CNEP1R1: variants seen among roughly 807,000 people sequenced by gnomAD.
CNEP1R1 encodes CTD nuclear envelope phosphatase 1 regulatory subunit 1.
A neutral mutation model predicts 22.7 loss-of-function variants in CNEP1R1; 10 were observed. That is an observed-to-expected ratio of 0.44 (90% CI 0.27 to 0.75). The LOEUF is 0.75. CNEP1R1 is among the 30% of genes least tolerant of loss of function. CNEP1R1 has a pLI of 0.17. For synonymous variants in CNEP1R1, 53 were observed against 50.1 expected, an observed-to-expected ratio of 1.06 and a Z score of -0.25; for missense variants, 73 against 151.5, an observed-to-expected ratio of 0.48 and a Z score of 2.72.
Position 50,035,406 on chromosome 16 carries a change from C to T in CNEP1R1, c.337-11C>T. The T allele has an allele frequency of 6.5e-7, 1 of 1,534,006 alleles. No individual in the cohort carries two copies. On this transcript the variant is annotated splice_polypyrimidine_tract_variant and intron_variant, in intron 5 of 5. Coordinates refer to ENST00000427478, the MANE Select transcript of CNEP1R1 (RefSeq NM_001281789.2). ...GTGTATTGAAAAAATTCTGTCTTTT[C>T]ATTTTTGCAGACAGGAAAACTAATT... is the stretch of plus-strand genomic sequence containing the variant.
chr16:50,028,116 G>A (rs1325437613), intron 2 of CNEP1R1, among the ~76,000 whole-genome samples: 1 of 151,964 alleles, frequency 6.6e-6, no homozygotes, highest in Non-Finnish European at 1.5e-5. Context: ...CGCCACCACG[G>A]CAGCTAATTT....
At position 50,033,393 on chromosome 16, in the gene CNEP1R1, A is replaced by C. The variant is rs374936976; in HGVS notation, c.172-4A>C. On this transcript the variant is annotated splice_polypyrimidine_tract_variant and splice_region_variant and intron_variant, in intron 3 of 5. Transcript: ENST00000427478. ...TTTTTATATTTTCATCTCTTCTTTT[A>C]CAGGTGTCCTTCTTCACATCATTAT... is the stretch of plus-strand genomic sequence containing the variant. The C allele has an allele frequency of 6.7e-6, 10 of 1,481,876 alleles. No individual in the cohort carries two copies. The African/African-American group carries it at 1.4e-4, about 21-fold the overall frequency. The allele number at this position is 1,481,876 out of a possible 1,614,324, so 91.8% of individuals were successfully genotyped here. A position where few individuals can be genotyped will look rare whatever the true frequency, so the allele number is the denominator to read the frequency against.
At position 50,026,346 on chromosome 16, in the gene CNEP1R1, G is replaced by A. The variant is rs747804577; in HGVS notation, c.26-50G>A. The stretch of plus-strand genomic sequence containing the variant: ...TGTTAGGTAAATACTCTGACATTTC[G>A]TCAGACGAGTAAGAGTGGCTAATTA... On this transcript the variant is annotated intron_variant, in intron 1 of 5. Coordinates refer to ENST00000427478, the MANE Select transcript of CNEP1R1 (RefSeq NM_001281789.2). 4.5e-6 allele frequency: 6 copies of A among 1,326,932 alleles called. No individual in the cohort carries two copies. The South Asian group carries it at 6.2e-5, about 14-fold the overall frequency. 82.2% of individuals were successfully genotyped at this position (1,326,932 alleles called of 1,614,324 possible). A position where few individuals can be genotyped will look rare whatever the true frequency, so the allele number is the denominator to read the frequency against.
chr16:50,035,499 T>C lies in CNEP1R1; in HGVS notation c.*41T>C, dbSNP rs772835338. The stretch of plus-strand genomic sequence containing the variant: ...GTTATGGGACTTAAAATAGCCTTTC[T>C]TCGAATAAGTGATACAGCAAAAAGC... On this transcript the variant is annotated 3_prime_UTR_variant, in exon 6 of 6. Transcript: ENST00000427478. The C allele has an allele frequency of 7.1e-7, 1 of 1,417,574 alleles. No homozygotes were observed. Among genetic ancestry groups the C allele is most frequent in the Non-Finnish European group, 9.8e-7 (1 of 1,020,368 alleles). The allele number at this position is 1,417,574 out of a possible 1,614,324, so 87.8% of individuals were successfully genotyped here.
Position 50,025,279 on chromosome 16 carries a change from G to T in CNEP1R1, c.-37G>T. 7.1e-7 allele frequency: 1 copy of T among 1,407,830 alleles called. No individual in the cohort carries two copies. Among genetic ancestry groups the T allele is most frequent in the Non-Finnish European group, 9.2e-7 (1 of 1,086,976 alleles). The allele number at this position is 1,407,830 out of a possible 1,614,324, so 87.2% of individuals were successfully genotyped here. On this transcript the variant is annotated 5_prime_UTR_variant, in exon 1 of 6. Transcript: ENST00000427478. ...CGGGGGCCGCGGAAGCTGCGATGCG[G>T]ACAGGGCAGCGGCGGTGACCCGAGC... is the stretch of plus-strand genomic sequence containing the variant.
intron 2 of CNEP1R1, among the ~76,000 whole-genome samples, chr16:50,027,854 A>G (rs1299129038): frequency 6.6e-6 from 1 of 152,236 alleles, no homozygotes; most frequent in Non-Finnish European, 1.5e-5. Context: ...TATAATTTGA[A>G]CAGTGCTTAC....
chr16:50,028,706 G>A (rs2036207652), intron 2 of CNEP1R1, among the ~76,000 whole-genome samples: 3 of 152,064 alleles, frequency 2.0e-5, no homozygotes, highest in Non-Finnish European at 4.4e-5. Flanking sequence ...ATGTGTATGA[G>A]GTCCTTTCTA....
rs1037707123 is a variant in CNEP1R1 at position 50,034,172 on chromosome 16, GT to G, written c.336+18del. On this transcript the variant is annotated intron_variant, in intron 5 of 5. Coordinates refer to ENST00000427478, the MANE Select transcript of CNEP1R1 (RefSeq NM_001281789.2). ...TTGTGATGATGTAAGTATTTTTTTG[GT>G]TAGAAAATTATAGACCTGCATGAAA... 3.2e-6 allele frequency: 5 copies of G among 1,553,676 alleles called. No homozygotes were observed. In the African/African-American group the frequency reaches 6.8e-5, roughly 21 times the overall value.
rs556116464 is a variant in CNEP1R1, at chr16:50,036,219, A to C, written c.*761A>C. 1 of 150,390 alleles carries C rather than the reference A, an allele frequency of 6.6e-6. No individual in the cohort carries two copies. The highest frequency in any genetic ancestry group is 1.5e-5 in the Non-Finnish European group (1 of 67,894). 9.3% of individuals were successfully genotyped at this position (150,390 alleles called of 1,614,324 possible). ...AGTGGCACGATCTTGGCTTTCTGCA[A>C]CCTCTGCCTCCCAGGTTCAAGCGAT... On this transcript the variant is annotated 3_prime_UTR_variant, in exon 6 of 6. Coordinates refer to ENST00000427478, the MANE Select transcript of CNEP1R1 (RefSeq NM_001281789.2).
In CNEP1R1 at chr16:50,035,511, A is replaced by T. The variant is rs1441589632; in HGVS notation, c.*53A>T. Reference sequence around the variant, plus strand: ...AAAATAGCCTTTCTTCGAATAAGTGATACAGCAAAAAGCCATAAAGGATTC... The same window carrying T: ...AAAATAGCCTTTCTTCGAATAAGTGTTACAGCAAAAAGCCATAAAGGATTC... On this transcript the variant is annotated 3_prime_UTR_variant, in exon 6 of 6. Transcript: ENST00000427478. 2 of 1,324,116 alleles carry T rather than the reference A, an allele frequency of 1.5e-6. No individual in the cohort carries two copies. Among genetic ancestry groups the T allele is most frequent in the Non-Finnish European group, 2.1e-6 (2 of 939,514 alleles). 82.0% of individuals were successfully genotyped at this position (1,324,116 alleles called of 1,614,324 possible). A position where few individuals can be genotyped will look rare whatever the true frequency, so the allele number is the denominator to read the frequency against.
At chr16:50,030,819 GA>G (rs879419812) in intron 3 of CNEP1R1, among the ~76,000 whole-genome samples, 5 of 151,988 alleles carry the variant, frequency 3.3e-5, no homozygotes, top group Non-Finnish European at 5.9e-5. Flanking sequence ...ATTTATCTCT[GA>G]AAAAAAATTT....
intron 3 of CNEP1R1, among the ~76,000 whole-genome samples, chr16:50,031,824 G>T (rs181253188): frequency 6.6e-6 from 1 of 152,276 alleles, no homozygotes; most frequent in Admixed American, 6.5e-5. Context: ...TGACTGCCTG[G>T]CCTGGAGAGA....
chr16:50,033,058 A>G (rs2036244913), intron 3 of CNEP1R1, among the ~76,000 whole-genome samples: 1 of 151,890 alleles, frequency 6.6e-6, no homozygotes, highest in Non-Finnish European at 1.5e-5. Context: ...TTGTGTTTTC[A>G]TTGAGACCAG....
chr16:50,026,627 C>T (rs1192116684), intron 2 of CNEP1R1, 160 bp downstream of exon 2: 8 of 614,824 alleles, frequency 1.3e-5, no homozygotes, highest in East Asian at 5.5e-5. Context: ...TTATAACTGG[C>T]CTTCTCAAAA....
At position 50,035,552 on chromosome 16, in the gene CNEP1R1, A is replaced by G; in HGVS notation, c.*94A>G. The G allele has an allele frequency of 3.4e-6, 3 of 895,364 alleles. No homozygotes were observed. Among genetic ancestry groups the G allele is most frequent in the South Asian group, 3.0e-5 (2 of 66,224 alleles). The allele number at this position is 895,364 out of a possible 1,614,324, so 55.5% of individuals were successfully genotyped here. On this transcript the variant is annotated 3_prime_UTR_variant, in exon 6 of 6. Transcript: ENST00000427478. ...TAAAGGATTCCTTTTGCGGTTGGAT[A>G]TGTAAAGGTCATAGCAGCAACTGAC...
rs1488736195 is a variant in CNEP1R1, at chr16:50,036,577, T to G, written c.*1119T>G. 3 of 152,292 alleles carry G rather than the reference T, an allele frequency of 2.0e-5. No homozygotes were observed. Among genetic ancestry groups the G allele is most frequent in the Admixed American group, 2.0e-4 (3 of 15,272 alleles). The allele number at this position is 152,292 out of a possible 1,614,324, so 9.4% of individuals were successfully genotyped here. Reference sequence around the variant, plus strand: ...TGTGGTAGACAGGCTGTGACACTAGTGTTGCACAGGTGTAATTGGTCATCC... The same window carrying G: ...TGTGGTAGACAGGCTGTGACACTAGGGTTGCACAGGTGTAATTGGTCATCC... On this transcript the variant is annotated 3_prime_UTR_variant, in exon 6 of 6. Transcript: ENST00000427478.
At chr16:50,030,575 T>C (rs528176875) in intron 3 of CNEP1R1, among the ~76,000 whole-genome samples, 1 of 152,188 alleles carries the variant, frequency 6.6e-6, no homozygotes, top group Admixed American at 6.5e-5. Context: ...AATACACATA[T>C]AATAAAAAGT....
Position 50,026,435 on chromosome 16 carries a change from A to G in CNEP1R1, c.65A>G (p.His22Arg). 6 of 1,610,876 alleles carry G rather than the reference A, an allele frequency of 3.7e-6. No individual in the cohort carries two copies. Among genetic ancestry groups the G allele is most frequent in the Non-Finnish European group, 5.1e-6 (6 of 1,178,408 alleles). Residue 22 changes from histidine to arginine, a missense_variant, in exon 2 of 6, where the codon CAT (histidine) becomes CGT (arginine). Coordinates refer to ENST00000427478, the MANE Select transcript of CNEP1R1 (RefSeq NM_001281789.2). ...GAGAGGAGACTTACTGAATATATTC[A>G]TTGTTTGCAACCTGCTACTGGACGC... ...AFERRLTEYI[H>R]CLQPATGRWR...
At chr16:50,028,447 C>T (rs1474007709) in intron 2 of CNEP1R1, among the ~76,000 whole-genome samples, 2 of 152,148 alleles carry the variant, frequency 1.3e-5, no homozygotes, top group Non-Finnish European at 2.9e-5. Flanking sequence ...TTTATTAAAT[C>T]TATTTGCAAA....
Sources: gnomAD v4.1 joint callset for allele counts (sites outside exome capture counted in the v4.1 genomes callset) on GRCh38, gnomAD v4.1.1 for gene constraint, MANE v1.5 for transcripts, NCBI Gene and HGNC (gene_info 2026-07-23, HGNC 2026-07-21) for gene names.